The following ATP2B2 variants were observed in gnomAD, a reference collection of about 807,000 sequenced individuals.
ATP2B2 encodes the protein ATPase plasma membrane Ca2+ transporting 2.
A neutral mutation model predicts 120.0 loss-of-function variants in ATP2B2; 15 were observed. The observed-to-expected ratio is 0.12, with a 90% CI of 0.08 to 0.19. The LOEUF is 0.19. ATP2B2 is among the 10% of genes least tolerant of loss of function. The pLI is 1.00. For missense variants in ATP2B2, 1,045 were observed against 1,719.8 expected, an observed-to-expected ratio of 0.61 and a Z score of 6.94; for synonymous variants, 694 against 700.3, an observed-to-expected ratio of 0.99 and a Z score of 0.14.
At chr3:10,578,041 T>C (rs2068294587) in intron 2 of ATP2B2, among the ~76,000 whole-genome samples, 1 of 152,186 alleles carries the variant, frequency 6.6e-6, no homozygotes, top group Admixed American at 6.5e-5. Context: ...AGTAACCCTG[T>C]GATCTAGGCC....
chr3:10,329,403 G>A lies in ATP2B2; in HGVS notation c.3421-278C>T, dbSNP rs1449751829. Among the ~76,000 whole-genome samples the A allele has an allele frequency of 6.6e-6, 1 of 152,052 alleles. No homozygotes were observed. The highest frequency in any genetic ancestry group is 2.4e-5 in the African/African-American group (1 of 41,376). On this transcript the variant is annotated intron_variant, in intron 22 of 22. Transcript: ENST00000360273. The surrounding 1 kb of genome is among the most constrained non-coding windows in gnomAD (Gnocchi z 5.9). ...CAAGCACCATCAAAGAGATGATGGG[G>A]AACAGTGGTTAAAGGAAGCACAGTC...
chr3:10,471,791 TTAA>T (rs1405326469), intron 1 of ATP2B2, among the ~76,000 whole-genome samples: 3 of 151,984 alleles, frequency 2.0e-5, no homozygotes, highest in Admixed American at 1.3e-4. Flanking sequence ...TTTAAAAAAA[TTAA>T]TAATAATTTT....
chr3:10,414,220 C>G (rs1246775783), intron 2 of ATP2B2, among the ~76,000 whole-genome samples: 1 of 152,178 alleles, frequency 6.6e-6, no homozygotes, highest in Non-Finnish European at 1.5e-5. Flanking sequence ...GAGGGGGAGT[C>G]TCTGAACCTT....
At chr3:10,438,174 C>T (rs532909541) in intron 2 of ATP2B2, among the ~76,000 whole-genome samples, 1 of 152,332 alleles carries the variant, frequency 6.6e-6, no homozygotes, top group Admixed American at 6.5e-5. Context: ...CCTGGGATTA[C>T]TGAATCAGAT....
chr3:10,598,449 CAAGCTTTGTGTTCTT>C (rs2068823689), intron 2 of ATP2B2, among the ~76,000 whole-genome samples: 1 of 152,202 alleles, frequency 6.6e-6, no homozygotes, highest in Non-Finnish European at 1.5e-5. Context: ...CCTAATGTCA[CAAGCTTTGTGTTCTT>C]AAGTGACAAA....
chr3:10,598,572 A>C (rs1412058440), intron 2 of ATP2B2, among the ~76,000 whole-genome samples: 4 of 152,196 alleles, frequency 2.6e-5, no homozygotes. Context: ...AGGGATTTAA[A>C]ATGAATGACC....
intron 10 of ATP2B2, among the ~76,000 whole-genome samples, chr3:10,376,308 G>C (rs145480444): frequency 6.6e-6 from 1 of 152,114 alleles, no homozygotes; most frequent in Admixed American, 6.5e-5. Context: ...GACAGGGGTA[G>C]GGAGTGGTTA....
rs140200422 is a variant in ATP2B2 at position 10,695,251 on chromosome 3, G to GGAGAGAGA, written c.-460+12656_-460+12663dup. On this transcript the variant is annotated intron_variant, in intron 1 of 21. Transcript: ENST00000646379. ...GGTAGCAGGCAAAGGAGGGAGGGAG[G>GGAGAGAGA]GAGAGAGAGAGAGAGAGAGAGAGAG... 2.2e-3 allele frequency among the ~76,000 whole-genome samples: 280 copies of GGAGAGAGA among 126,904 alleles called. 2 individuals are homozygous for GGAGAGAGA. Among genetic ancestry groups the GGAGAGAGA allele is most frequent in the African/African-American group, 4.3e-3 (126 of 29,442 alleles). 83.3% of individuals were successfully genotyped at this position (126,904 alleles called of 152,430 possible).
Position 10,375,458 on chromosome 3 carries a change from A to G in ATP2B2, c.1388T>C (p.Val463Ala), listed in dbSNP as rs766670443. 6.2e-7 allele frequency: 1 copy of G among 1,612,926 alleles called. No individual in the cohort carries two copies. The highest frequency in any genetic ancestry group is 8.5e-7 in the Non-Finnish European group (1 of 1,179,972). The change falls in exon 11 of 23, where the codon GTC (valine) becomes GCC (alanine). Residue 463 changes from valine to alanine, a missense_variant. Physicochemically the swap from Val to Ala is moderately conservative, Grantham distance 64. This residue lies in a region of ATP2B2 where 343 missense variants were observed against 536.8 expected (regional missense o/e 0.64). Coordinates refer to ENST00000360273, the MANE Select transcript of ATP2B2 (RefSeq NM_001001331.4). This position sits in a 1 kb window ranked among gnomAD's most constrained non-coding sequence, Gnocchi z 4.2. ...CACCGAATAGGCCAACGAGATGGTG[A>G]CGGCCAGAGGGAGCCCCTCGGGCAC... ...VAVPEGLPLA[V>A]TISLAYSVKK...
intron 2 of ATP2B2, among the ~76,000 whole-genome samples, chr3:10,595,260 C>T (rs953520801): frequency 5.3e-5 from 8 of 152,082 alleles, no homozygotes; most frequent in Non-Finnish European, 1.0e-4. Context: ...GTCTGGGGGC[C>T]TTTTGGGGAA....
chr3:10,569,054 T>C (rs553318495), intron 2 of ATP2B2, among the ~76,000 whole-genome samples: 24 of 152,220 alleles, frequency 1.6e-4, no homozygotes, highest in Non-Finnish European at 3.2e-4. Context: ...GGACGTGGTA[T>C]CGCTGTTCAC....
chr3:10,441,869 G>C (rs2063679017), intron 2 of ATP2B2, among the ~76,000 whole-genome samples: 1 of 152,198 alleles, frequency 6.6e-6, no homozygotes, highest in African/African-American at 2.4e-5. Context: ...TACAGGTGGG[G>C]AAACAGGTTC....
At chr3:10,355,793 G>GCAA (rs1296338116) in intron 14 of ATP2B2, among the ~76,000 whole-genome samples, 110 of 25,652 alleles carry the variant, frequency 4.3e-3, no homozygotes, top group South Asian at 0.024. Context: ...GTCCTTTCCG[G>GCAA]CCGGGCGCGG....
In ATP2B2 at chr3:10,345,581, G is replaced by C. The variant is rs369270629; in HGVS notation, c.2512-6C>G. 13 of 1,613,642 alleles carry C rather than the reference G, an allele frequency of 8.1e-6. No homozygotes were observed. The highest frequency in any genetic ancestry group is 1.1e-5 in the Non-Finnish European group (13 of 1,179,690). Reference sequence around the variant, plus strand: ...ACGTCAGTGCCTGCGATGCCCTGTGGGGACAGGGACAGGAGGCTGGGTGGG... The same window carrying C: ...ACGTCAGTGCCTGCGATGCCCTGTGCGGACAGGGACAGGAGGCTGGGTGGG... On this transcript the variant is annotated splice_region_variant and splice_polypyrimidine_tract_variant and intron_variant, in intron 17 of 22. Transcript: ENST00000360273.
chr3:10,701,226 T>C (rs2071812902), intron 1 of ATP2B2, among the ~76,000 whole-genome samples: 1 of 152,208 alleles, frequency 6.6e-6, no homozygotes, highest in Non-Finnish European at 1.5e-5. Flanking sequence ...AGAAATTCCA[T>C]TCAATGTGGC....
At position 10,379,288 on chromosome 3, in the gene ATP2B2, C is replaced by T. The variant is rs767340420; in HGVS notation, c.1001-4G>A. Reference sequence around the variant, plus strand: ...ACATTGCCATCCTGCATTTTACCTACACGACAAAGAATTTTAACAGACAAC... The same window carrying T: ...ACATTGCCATCCTGCATTTTACCTATACGACAAAGAATTTTAACAGACAAC... On this transcript the variant is annotated splice_region_variant and splice_polypyrimidine_tract_variant and intron_variant, in intron 8 of 22. Transcript: ENST00000360273. 40 of 1,614,048 alleles carry T rather than the reference C, an allele frequency of 2.5e-5. No individual in the cohort carries two copies. Among genetic ancestry groups the T allele is most frequent in the African/African-American group, 4.0e-5 (3 of 74,948 alleles).
At chr3:10,691,785 G>A (rs1055994433) in intron 1 of ATP2B2, among the ~76,000 whole-genome samples, 2 of 152,196 alleles carry the variant, frequency 1.3e-5, no homozygotes, top group African/African-American at 4.8e-5. Context: ...GCACTTAGGA[G>A]GTGCTCAGGG....
intron 2 of ATP2B2, among the ~76,000 whole-genome samples, chr3:10,430,521 TTAACTTGTTCATTCATAAGAA>T: frequency 6.6e-6 from 1 of 152,266 alleles, no homozygotes; most frequent in Non-Finnish European, 1.5e-5. Flanking sequence ...ATGAGAATTC[TTAACTTGTTCATTCATAAGAA>T]GCAACTCCTC....
chr3:10,599,653 G>T (rs1575541994), intron 2 of ATP2B2, among the ~76,000 whole-genome samples: 3 of 152,228 alleles, frequency 2.0e-5, no homozygotes, highest in Middle Eastern at 6.8e-3. Context: ...TTGACACCAT[G>T]AAATTAGGTC....
Sources: allele counts gnomAD v4.1 joint callset (sites outside exome capture counted in the v4.1 genomes callset), GRCh38; gene constraint gnomAD v4.1.1; regional missense constraint gnomAD v4.1.1; non-coding constraint Gnocchi (gnomAD v3.1); transcripts MANE v1.5; gene names NCBI Gene and HGNC (gene_info 2026-07-23, HGNC 2026-07-21).